Variants in SACS observed in about 807,000 individuals in gnomAD.
The protein encoded by SACS is sacsin.
A neutral mutation model predicts 348.0 loss-of-function variants in SACS; 197 were observed. That is an observed-to-expected ratio of 0.57 (90% confidence interval 0.50 to 0.64). The LOEUF is 0.64. Ranked by LOEUF, SACS falls within the 30% of genes least tolerant of loss-of-function variation. The pLI, the probability that SACS is intolerant of heterozygous loss-of-function variation, is 0.00. For missense variants in SACS, 4,999 were observed against 5,360.8 expected, an observed-to-expected ratio of 0.93 and a Z score of 2.11; for synonymous variants, 1,985 against 1,910.6, an observed-to-expected ratio of 1.04 and a Z score of -1.02.
intron 5 of SACS, among the ~76,000 whole-genome samples, chr13:23,365,731 A>G (rs910851065): frequency 1.3e-5 from 2 of 152,204 alleles, no homozygotes; most frequent in African/African-American, 4.8e-5. Flanking sequence ...CAATAAAACC[A>G]AATAGTAGCA....
chr13:23,334,135 T>C lies in SACS; in HGVS notation c.9741A>G (p.Ala3247=), dbSNP rs1883674469. ...NFASESWLKN[A]WHFISESVSV... ...TTACAGATTCACTAATAAAATGCCA[T>C]GCATTCTTAAGCCAAGACTCACTTG... The change falls in exon 10 of 10, where the codon GCA becomes GCG. Residue 3247 remains alanine, a synonymous_variant. Coordinates refer to ENST00000382292, the MANE Select transcript of SACS (RefSeq NM_014363.6). 3 of 1,613,924 alleles carry C rather than the reference T, an allele frequency of 1.9e-6. No homozygotes were observed. Among genetic ancestry groups the C allele is most frequent in the South Asian group, 1.1e-5 (1 of 91,070 alleles).
intron 2 of SACS, among the ~76,000 whole-genome samples, chr13:23,387,563 G>C (rs1872347290): frequency 6.6e-6 from 1 of 151,846 alleles, no homozygotes; most frequent in African/African-American, 2.4e-5. Context: ...GGAAGACCCT[G>C]TAGAGATAAG....
intron 2 of SACS, among the ~76,000 whole-genome samples, chr13:23,398,899 C>G (rs570783141): frequency 6.7e-6 from 1 of 150,020 alleles, no homozygotes; most frequent in Non-Finnish European, 1.5e-5. Context: ...TAGCTGGGAG[C>G]AGTCCCAGCT....
intron 4 of SACS, among the ~76,000 whole-genome samples, chr13:23,369,815 G>A (rs1357625099): frequency 6.6e-6 from 1 of 151,282 alleles, no homozygotes; most frequent in Admixed American, 6.6e-5. Context: ...AAAGTGCTGA[G>A]ATTACAGGCG....
At chr13:23,430,166 C>T (rs891335874) in intron 1 of SACS, among the ~76,000 whole-genome samples, 1 of 151,952 alleles carries the variant, frequency 6.6e-6, no homozygotes, top group African/African-American at 2.4e-5. Context: ...CGAGATTGCA[C>T]CACTGGCCTC....
At position 23,339,277 on chromosome 13, in the gene SACS, T is replaced by G. The variant is rs1329953828; in HGVS notation, c.4599A>C (p.Ser1533=). 6 of 1,604,508 alleles carry G rather than the reference T, an allele frequency of 3.7e-6. No individual in the cohort carries two copies. In the East Asian group the frequency reaches 8.9e-5, roughly 24 times the overall value. Residue 1533 remains serine (S), a synonymous_variant, in exon 10 of 10, where the codon TCA becomes TCC. Coordinates refer to ENST00000382292, the MANE Select transcript of SACS (RefSeq NM_014363.6). Reference sequence around the variant, plus strand: ...CTAACCTAGTTATGTTCACAAAATCTGAATCTGAGAATTGAGAATTGTTGA... The same window carrying G: ...CTAACCTAGTTATGTTCACAAAATCGGAATCTGAGAATTGAGAATTGTTGA... ...WSFNNSQFSD[S]DFVNITRLGE...
chr13:23,372,197 A>G (rs1230295662), intron 3 of SACS, among the ~76,000 whole-genome samples: 1 of 152,188 alleles, frequency 6.6e-6, no homozygotes, highest in Admixed American at 6.5e-5. Context: ...ACGTGCATGA[A>G]AGTATTTATA....
Position 23,333,822 on chromosome 13 carries a change from T to C in SACS, c.10054A>G (p.Thr3352Ala). ...CTTGTGGGGCTCTCTATATTTGCTG[T>C]GTGACATGACAACAAAGGAACAAAT... is the stretch of plus-strand genomic sequence containing the variant. ...SAFVPLLSCHTANIESPTSIL... is the reference protein window; with the variant it reads ...SAFVPLLSCHAANIESPTSIL... The change falls in exon 10 of 10, where the codon ACA (threonine) becomes GCA (alanine). Residue 3352 changes from threonine to alanine, a missense_variant. By Grantham distance (58) the Thr-to-Ala change is moderately conservative. Coordinates refer to ENST00000382292, the MANE Select transcript of SACS (RefSeq NM_014363.6). 1.2e-6 allele frequency: 2 copies of C among 1,613,888 alleles called. No homozygotes were observed. The highest frequency in any genetic ancestry group is 1.7e-6 in the Non-Finnish European group (2 of 1,179,824).
At position 23,411,314 on chromosome 13, in the gene SACS, T is replaced by G; in HGVS notation, c.-75A>C. ...CTTTCTTCTGTTTAAGTCTTCCCTC[T>G]GTGCTTCCTTTAAATGTGTACTCCA... On this transcript the variant is annotated 5_prime_UTR_variant, in exon 2 of 10. Coordinates refer to ENST00000382292, the MANE Select transcript of SACS (RefSeq NM_014363.6). The G allele has an allele frequency of 1.4e-6, 2 of 1,388,710 alleles. No homozygotes were observed. Among genetic ancestry groups the G allele is most frequent in the Non-Finnish European group, 2.1e-6 (2 of 975,598 alleles). The allele number at this position is 1,388,710 out of a possible 1,614,324, so 86.0% of individuals were successfully genotyped here.
In SACS at chr13:23,329,662, G is replaced by T; in HGVS notation, c.*474C>A. On this transcript the variant is annotated 3_prime_UTR_variant, in exon 10 of 10. Transcript: ENST00000382292. ...AACAAATTCATGATCAGAGCCAGCT[G>T]ATGAGAAAATAACGCATCCAAGAGG... The T allele has an allele frequency of 1.9e-6, 1 of 526,274 alleles. No homozygotes were observed. The highest frequency in any genetic ancestry group is 3.3e-6 in the Non-Finnish European group (1 of 303,230). The allele number at this position is 526,274 out of a possible 1,614,324, so 32.6% of individuals were successfully genotyped here.
chr13:23,390,282 TA>T (rs978969678), intron 2 of SACS, among the ~76,000 whole-genome samples: 21 of 151,554 alleles, frequency 1.4e-4, no homozygotes, highest in African/African-American at 2.4e-4. Flanking sequence ...CCTGATTAAT[TA>T]AAAAAAAATC....
intron 2 of SACS, among the ~76,000 whole-genome samples, chr13:23,382,935 A>G (rs539313085): frequency 1.4e-5 from 2 of 146,492 alleles, no homozygotes; most frequent in South Asian, 2.2e-4. Context: ...GACTACAGGC[A>G]TGTACCACCA....
intron 2 of SACS, among the ~76,000 whole-genome samples, chr13:23,401,970 G>A (rs150362519): frequency 6.6e-6 from 1 of 152,134 alleles, no homozygotes; most frequent in African/African-American, 2.4e-5. Context: ...ATGAGGTCAG[G>A]AGATTGAGAC....
chr13:23,360,049 C>T (rs1021988828), intron 6 of SACS, among the ~76,000 whole-genome samples: 3 of 152,166 alleles, frequency 2.0e-5, no homozygotes, highest in African/African-American at 7.2e-5. Context: ...ACAGCCACAG[C>T]ACTTCCAGAA....
In SACS at chr13:23,336,114, G is replaced by T; in HGVS notation, c.7762C>A (p.Leu2588Ile). ...DKWAPLQGPA[L>I]CVYNNQPFTE... ...AATGGCTGGTTGTTGTACACACAAA[G>T]TGCTGGCCCTTGCAATGGGGCCCAC... Residue 2588 changes from leucine (L) to isoleucine (I), a missense_variant, in exon 10 of 10, where the codon CTT becomes ATT. By Grantham distance (5) the Leu-to-Ile change is conservative. Transcript: ENST00000382292. 6.2e-7 allele frequency: 1 copy of T among 1,612,784 alleles called. No homozygotes were observed. The highest frequency in any genetic ancestry group is 8.5e-7 in the Non-Finnish European group (1 of 1,179,046).
intron 9 of SACS, among the ~76,000 whole-genome samples, chr13:23,346,659 T>G (rs1469841111): frequency 6.6e-6 from 1 of 152,206 alleles, no homozygotes; most frequent in African/African-American, 2.4e-5. Context: ...TAGTATGGTT[T>G]CCTCTCTCCT....
Position 23,329,382 on chromosome 13 carries a change from A to T in SACS, c.*754T>A. 8.1e-6 allele frequency: 6 copies of T among 742,274 alleles called. No homozygotes were observed. Among genetic ancestry groups the T allele is most frequent in the Non-Finnish European group, 1.5e-5 (6 of 404,184 alleles). 46.0% of individuals were successfully genotyped at this position (742,274 alleles called of 1,614,324 possible). A position where few individuals can be genotyped will look rare whatever the true frequency, so the allele number is the denominator to read the frequency against. ...AAAGCAAGTGTTCTAACAGTTAATA[A>T]ATGTTGTCTTGGCAAGCAGTTTCCA... On this transcript the variant is annotated 3_prime_UTR_variant, in exon 10 of 10. Coordinates refer to ENST00000382292, the MANE Select transcript of SACS (RefSeq NM_014363.6).
intron 2 of SACS, among the ~76,000 whole-genome samples, chr13:23,396,440 G>T (rs574618130): frequency 6.6e-6 from 1 of 151,392 alleles, no homozygotes; most frequent in Non-Finnish European, 1.5e-5. Context: ...TAATAACTAA[G>T]ACTATTTTGG....
At chr13:23,406,572 C>A (rs960962566) in intron 2 of SACS, among the ~76,000 whole-genome samples, 3 of 152,154 alleles carry the variant, frequency 2.0e-5, no homozygotes, top group Non-Finnish European at 4.4e-5. Flanking sequence ...CTAATATCAA[C>A]TAAATAACTG....
Sources: gnomAD v4.1 joint callset for allele counts (sites outside exome capture counted in the v4.1 genomes callset) on GRCh38, gnomAD v4.1.1 for gene constraint, MANE v1.5 for transcripts, NCBI Gene and HGNC (gene_info 2026-07-23, HGNC 2026-07-21) for gene names.